TNIP3: variants seen among roughly 807,000 people sequenced by gnomAD.
The protein encoded by TNIP3 is TNFAIP3 interacting protein 3.
A neutral mutation model predicts 54.1 loss-of-function variants in TNIP3; 34 were observed. The ratio of observed to expected loss-of-function variants is 0.63; its 90% CI spans 0.48 to 0.84. The LOEUF (loss-of-function observed/expected upper bound fraction) is 0.84, where lower values mean the gene tolerates loss of function less well. TNIP3 is among the 40% of genes least tolerant of loss of function. TNIP3 has a pLI of 0.00. For synonymous variants in TNIP3, 134 were observed against 136.8 expected, an observed-to-expected ratio of 0.98 and a Z score of 0.14; for missense variants, 366 against 387.6, an observed-to-expected ratio of 0.94 and a Z score of 0.47.
At chr4:121,219,423 T>G (rs1726940419), upstream of TNIP3, among the ~76,000 whole-genome samples, 1 of 152,268 alleles carries the variant, frequency 6.6e-6, no homozygotes, top group Admixed American at 6.5e-5. Flanking sequence ...AGATGTCCTC[T>G]GTTCTTGGAT....
intron 3 of TNIP3, among the ~76,000 whole-genome samples, chr4:121,169,664 T>C (rs932745044): frequency 6.6e-6 from 1 of 152,174 alleles, no homozygotes; most frequent in Non-Finnish European, 1.5e-5. Context: ...AAATCATACA[T>C]CTTCTCAAGA....
In TNIP3 at chr4:121,154,693, C is replaced by G; in HGVS notation, c.364-14G>C. ...TTCCTTTTCCTTCTGAAGTTAAGAC[C>G]AAGAAAAGAAAATAAAAGTCAGTAC... is the stretch of plus-strand genomic sequence containing the variant. On this transcript the variant is annotated splice_polypyrimidine_tract_variant and intron_variant, in intron 4 of 10. Transcript: ENST00000057513. 1 of 1,589,116 alleles carries G rather than the reference C, an allele frequency of 6.3e-7. No individual in the cohort carries two copies. The highest frequency in any genetic ancestry group is 8.5e-7 in the Non-Finnish European group (1 of 1,170,730).
chr4:121,132,732 G>T, intron 10 of TNIP3, 70 bp from the exon 11 acceptor site: 1 of 1,433,720 alleles, frequency 7.0e-7, no homozygotes, highest in Non-Finnish European at 9.7e-7. Context: ...CTGGCTTAAG[G>T]CTGACATAAA....
intron 3 of TNIP3, among the ~76,000 whole-genome samples, chr4:121,181,299 G>A (rs949966432): frequency 2.0e-5 from 3 of 152,206 alleles, no homozygotes; most frequent in African/African-American, 7.2e-5. Context: ...GGTTAGACAA[G>A]AAGGTGGCTG....
chr4:121,154,487 T>A (rs1464846644), intron 5 of TNIP3, 64 bp downstream of exon 5: 3 of 1,597,256 alleles, frequency 1.9e-6, no homozygotes, highest in Admixed American at 3.5e-5. Flanking sequence ...GTTGCGACTG[T>A]CAGTAAGAAT....
chr4:121,220,848 G>T (rs1726997785), upstream of TNIP3, among the ~76,000 whole-genome samples: 1 of 152,080 alleles, frequency 6.6e-6, no homozygotes, highest in African/African-American at 2.4e-5. Context: ...GCTGTGATTT[G>T]GCTGAGTAGG....
upstream of TNIP3, among the ~76,000 whole-genome samples, chr4:121,166,850 T>C (rs1260507841): frequency 2.6e-5 from 4 of 152,178 alleles, no homozygotes; most frequent in East Asian, 7.7e-4. Flanking sequence ...GTATGTGCTA[T>C]GTAGGTAGGA....
chr4:121,144,401 G>GT (rs1430134555), intron 7 of TNIP3, among the ~76,000 whole-genome samples: 2 of 151,688 alleles, frequency 1.3e-5, no homozygotes, highest in African/African-American at 4.8e-5. Context: ...GCGTTTTTTT[G>GT]TTTTTTTCTT....
intron 10 of TNIP3, among the ~76,000 whole-genome samples, chr4:121,136,175 T>C (rs537400692): frequency 7.2e-5 from 11 of 152,314 alleles, no homozygotes; most frequent in Non-Finnish European, 1.6e-4. Context: ...TCTTACATAG[T>C]ACCGTGCCTT....
chr4:121,221,352 A>G (rs1727016758), upstream of TNIP3, among the ~76,000 whole-genome samples: 1 of 152,198 alleles, frequency 6.6e-6, no homozygotes, highest in South Asian at 2.1e-4. Context: ...AAAAAGAAAA[A>G]GGAATTCACT....
chr4:121,196,265 A>G (rs1294969791), intron 2 of TNIP3, among the ~76,000 whole-genome samples: 2 of 152,240 alleles, frequency 1.3e-5, no homozygotes, highest in Non-Finnish European at 2.9e-5. Context: ...TAAAACTAAT[A>G]CTGTGATAAA....
At chr4:121,208,843 T>A (rs78329763) in intron 2 of TNIP3, among the ~76,000 whole-genome samples, 1 of 152,320 alleles carries the variant, frequency 6.6e-6, no homozygotes, top group Admixed American at 6.5e-5. Flanking sequence ...ACCTAAGTTA[T>A]GCTAATGAAG....
At chr4:121,154,402 G>T (rs1729951631) in intron 5 of TNIP3, 149 bp downstream of exon 5, 3 of 1,013,548 alleles carry the variant, frequency 3.0e-6, no homozygotes, top group Admixed American at 2.4e-5. Context: ...CTGCAGCTAG[G>T]AGTGATTTAT....
chr4:121,186,465 T>C lies in TNIP3; in HGVS notation c.69-3669A>G, dbSNP rs116852946. Among the ~76,000 whole-genome samples, 9 of 152,328 alleles carry C rather than the reference T, an allele frequency of 5.9e-5. No homozygotes were observed. The East Asian group carries it at 1.2e-3, about 20-fold the overall frequency. On this transcript the variant is annotated intron_variant, in intron 2 of 12. Transcript: ENST00000507879. ...CCTCAGAACTTGCATATGAACCCTC[T>C]GAAAGAAGCATTGTGATGCAGTAGA...
chr4:121,200,633 A>G (rs1725830754), intron 2 of TNIP3, among the ~76,000 whole-genome samples: 1 of 133,950 alleles, frequency 7.5e-6, no homozygotes, highest in Non-Finnish European at 1.7e-5. Context: ...TTCAAAGAGA[A>G]CTGTTGCAAA....
intron 10 of TNIP3, among the ~76,000 whole-genome samples, chr4:121,135,450 C>T (rs946393428): frequency 6.6e-5 from 10 of 151,890 alleles, no homozygotes; most frequent in African/African-American, 1.7e-4. Flanking sequence ...CAGGCTTGAG[C>T]GCAGTGGCGT....
At chr4:121,220,370 G>C (rs892453950), upstream of TNIP3, among the ~76,000 whole-genome samples, 4 of 152,168 alleles carry the variant, frequency 2.6e-5, no homozygotes, top group African/African-American at 9.7e-5. Context: ...TGTGTCTTCT[G>C]GCCCACAATA....
At chr4:121,224,390 AAAAAG>A (rs1727173971) in intron 1 of TNIP3, among the ~76,000 whole-genome samples, 1 of 152,028 alleles carries the variant, frequency 6.6e-6, no homozygotes, top group Non-Finnish European at 1.5e-5. Context: ...AAGAAAAAAG[AAAAAG>A]AAAAGTTGAG....
intron 1 of TNIP3, among the ~76,000 whole-genome samples, chr4:121,224,377 A>T (rs1260905521): frequency 6.6e-6 from 1 of 152,110 alleles, no homozygotes; most frequent in East Asian, 1.9e-4. Flanking sequence ...AATAAAAAGA[A>T]AAAAGAAAAA....
Sources: gnomAD v4.1 joint callset for allele counts (sites outside exome capture counted in the v4.1 genomes callset) on GRCh38, gnomAD v4.1.1 for gene constraint, MANE v1.5 for transcripts, NCBI Gene and HGNC (gene_info 2026-07-23, HGNC 2026-07-21) for gene names.